Variants in PTPRK observed in about 807,000 individuals in gnomAD.
The protein encoded by PTPRK is receptor-type tyrosine-protein phosphatase kappa.
In PTPRK, 75 loss-of-function variants were observed where a neutral mutation model predicts 178.0. That is an observed-to-expected ratio of 0.42 (90% CI 0.35 to 0.51). PTPRK has a LOEUF of 0.51. Among genes scored for constraint, PTPRK ranks in the 20% least tolerant of loss-of-function variants. The probability of loss-of-function intolerance (pLI) is 0.02; values close to 1 mark genes in which losing one functional copy is unlikely to be tolerated. For synonymous variants in PTPRK, 637 were observed against 620.6 expected (o/e 1.03, Z -0.39); for missense variants, 1,441 against 1,797.8 (o/e 0.80, Z 3.59).
intron 1 of PTPRK, among the ~76,000 whole-genome samples, chr6:128,495,031 T>C (rs1854453776): frequency 6.6e-6 from 1 of 152,208 alleles, no homozygotes; most frequent in South Asian, 2.1e-4. Context: ...AAAGAAAATA[T>C]AAGAATTTTA....
At chr6:128,407,503 G>A (rs868206832) in intron 1 of PTPRK, among the ~76,000 whole-genome samples, 1 of 152,004 alleles carries the variant, frequency 6.6e-6, no homozygotes, top group Middle Eastern at 3.4e-3. Context: ...GCCAGGAGGA[G>A]TGGCATACAC....
At chr6:128,293,879 A>G (rs17055579) in intron 3 of PTPRK, among the ~76,000 whole-genome samples, 8,016 of 152,164 alleles carry the variant, frequency 0.053, 709 homozygotes, top group African/African-American at 0.18. Context: ...ACACACGATC[A>G]TATCATAGAC....
At chr6:128,309,839 G>A (rs1826970111) in intron 3 of PTPRK, among the ~76,000 whole-genome samples, 1 of 151,270 alleles carries the variant, frequency 6.6e-6, no homozygotes, top group Non-Finnish European at 1.5e-5. Context: ...ATTCTCCCTG[G>A]TACCAGTTCA....
Position 128,484,299 on chromosome 6 carries a change from T to C in PTPRK, c.100+35960A>G, listed in dbSNP as rs572113956. ...GTTTCAGTACCACCAACCCTTCTTT[T>C]TACTTCCTTCTCTAGAAGCCTTAAT... On this transcript the variant is annotated intron_variant, in intron 1 of 29. Transcript: ENST00000368226. 4.6e-5 allele frequency among the ~76,000 whole-genome samples: 7 copies of C among 152,256 alleles called. No homozygotes were observed. The East Asian group carries it at 1.3e-3, about 29-fold the overall frequency.
intron 7 of PTPRK, among the ~76,000 whole-genome samples, chr6:128,093,438 A>G (rs538648683): frequency 2.0e-5 from 3 of 151,692 alleles, no homozygotes; most frequent in Non-Finnish European, 4.4e-5. Context: ...TACTAAAAAT[A>G]CAAAAAATTA....
chr6:128,021,632 T>C (rs1773531304), intron 13 of PTPRK, among the ~76,000 whole-genome samples: 1 of 151,988 alleles, frequency 6.6e-6, no homozygotes, highest in African/African-American at 2.4e-5. Context: ...AGAGCGAGAC[T>C]CCGTCTCAAA....
intron 2 of PTPRK, among the ~76,000 whole-genome samples, chr6:128,355,685 T>C (rs1222641522): frequency 3.3e-5 from 5 of 152,168 alleles, no homozygotes; most frequent in Admixed American, 6.5e-5. Context: ...TTAGGAGATA[T>C]ACCTAATGTT....
At chr6:128,416,418 G>A (rs1842857680) in intron 1 of PTPRK, among the ~76,000 whole-genome samples, 1 of 151,538 alleles carries the variant, frequency 6.6e-6, no homozygotes, top group East Asian at 1.9e-4. Flanking sequence ...GAGGCAGGCG[G>A]ATCACGAGGT....
At chr6:128,202,686 A>T (rs1363155806) in intron 6 of PTPRK, among the ~76,000 whole-genome samples, 7 of 152,168 alleles carry the variant, frequency 4.6e-5, no homozygotes, top group Admixed American at 1.3e-4. Context: ...TCTGTGGTTC[A>T]GTCAACTCAA....
chr6:128,096,888 A>G (rs1202345904), intron 7 of PTPRK, among the ~76,000 whole-genome samples: 1 of 152,224 alleles, frequency 6.6e-6, no homozygotes, highest in Non-Finnish European at 1.5e-5. Context: ...ATAAAAGCAA[A>G]GAAAACAGTG....
chr6:128,329,382 A>AAC (rs149088868), intron 2 of PTPRK, among the ~76,000 whole-genome samples: 107,446 of 145,554 alleles, frequency 0.74, 41,818 homozygotes, highest in East Asian at 0.97. Flanking sequence ...TATATAGATA[A>AAC]ACACACACAC....
intron 7 of PTPRK, among the ~76,000 whole-genome samples, chr6:128,154,512 AAAC>A (rs1469510028): frequency 2.0e-5 from 3 of 151,886 alleles, no homozygotes; most frequent in African/African-American, 4.8e-5. Context: ...ATATCTTTGT[AAAC>A]AACAACAAAA....
intron 1 of PTPRK, among the ~76,000 whole-genome samples, chr6:128,418,761 C>T (rs1843117926): frequency 6.6e-6 from 1 of 152,192 alleles, no homozygotes; most frequent in Non-Finnish European, 1.5e-5. Flanking sequence ...AAGGGGGAAA[C>T]TGAGGAAAAA....
At chr6:128,296,426 A>AT (rs1199450146) in intron 3 of PTPRK, among the ~76,000 whole-genome samples, 1 of 152,152 alleles carries the variant, frequency 6.6e-6, no homozygotes, top group Non-Finnish European at 1.5e-5. Flanking sequence ...TAATTGTCAG[A>AT]TTCACCAAAG....
At chr6:128,376,216 G>A (rs1241382399) in intron 2 of PTPRK, among the ~76,000 whole-genome samples, 1 of 152,160 alleles carries the variant, frequency 6.6e-6, no homozygotes, top group Non-Finnish European at 1.5e-5. Context: ...TCTCCATGAG[G>A]GCCCCACCCC....
chr6:128,506,042 C>CAT (rs35803771), intron 1 of PTPRK, among the ~76,000 whole-genome samples: 10,764 of 152,202 alleles, frequency 0.071, 770 homozygotes, highest in African/African-American at 0.19. Context: ...TTCATAAACA[C>CAT]GTTCTAAAAG....
chr6:128,474,792 G>A (rs1442116490), intron 1 of PTPRK, among the ~76,000 whole-genome samples: 4 of 152,112 alleles, frequency 2.6e-5, no homozygotes, highest in African/African-American at 9.7e-5. Context: ...ATGTATGGGT[G>A]TTGCGAATGC....
chr6:128,089,651 G>GAGA (rs1786578720), intron 8 of PTPRK, 39 bp downstream of exon 8: 2 of 1,525,260 alleles, frequency 1.3e-6, no homozygotes, highest in East Asian at 4.5e-5. Context: ...TTTCTTGTTA[G>GAGA]AGAATTCCCC....
intron 1 of PTPRK, among the ~76,000 whole-genome samples, chr6:128,433,424 C>T (rs189772014): frequency 6.6e-6 from 1 of 152,118 alleles, no homozygotes. Context: ...GTGAACTCCA[C>T]GTCCATCCCT....
Sources: gnomAD v4.1 joint callset for allele counts (sites outside exome capture counted in the v4.1 genomes callset) on GRCh38, gnomAD v4.1.1 for gene constraint, MANE v1.5 for transcripts, NCBI Gene and HGNC (gene_info 2026-07-23, HGNC 2026-07-21) for gene names.